The following CRACD variants were observed in gnomAD, a reference collection of about 807,000 sequenced individuals.
CRACD encodes capping protein inhibiting regulator of actin dynamics.
A neutral mutation model predicts 106.8 loss-of-function variants in CRACD; 56 were observed. The observed-to-expected ratio is 0.52, with a 90% CI of 0.42 to 0.66. The LOEUF is 0.66. CRACD is among the 30% of genes least tolerant of loss of function. The pLI is 0.00. For missense variants in CRACD, 1,730 were observed against 1,623.2 expected, an observed-to-expected ratio of 1.07 and a Z score of -1.13; for synonymous variants, 754 against 670.8, an observed-to-expected ratio of 1.12 and a Z score of -1.92.
At chr4:56,103,272 C>T (rs1733837653) in intron 1 of CRACD, among the ~76,000 whole-genome samples, 1 of 152,140 alleles carries the variant, frequency 6.6e-6, no homozygotes, top group South Asian at 2.1e-4. Context: ...ATTCATTGCT[C>T]AAAGACATGG....
In CRACD at chr4:56,316,415, C is replaced by A; in HGVS notation, c.2913C>A (p.Thr971=). The change falls in exon 8 of 11, where the codon ACC becomes ACA. Residue 971 remains threonine (T), a synonymous_variant. Transcript: ENST00000682029. ...PALAPKPTSQ[T]PPASPLSKLS... ...TGGCTCCCAAGCCCACCAGTCAGACCCCACCAGCATCCCCACTTTCCAAAC... is the reference window on the plus strand; with the variant it reads ...TGGCTCCCAAGCCCACCAGTCAGACACCACCAGCATCCCCACTTTCCAAAC... 2 of 1,614,138 alleles carry A rather than the reference C, an allele frequency of 1.2e-6. No homozygotes were observed. The highest frequency in any genetic ancestry group is 1.1e-5 in the South Asian group (1 of 91,082).
chr4:56,216,405 G>A (rs1272097335), intron 2 of CRACD: 1 of 152,050 alleles, frequency 6.6e-6, no homozygotes, highest in African/African-American at 2.4e-5. Flanking sequence ...TAATTTAATT[G>A]TAATTCATTC....
chr4:56,175,993 T>C (rs1427807136), intron 1 of CRACD, among the ~76,000 whole-genome samples: 1 of 152,226 alleles, frequency 6.6e-6, no homozygotes, highest in East Asian at 1.9e-4. Flanking sequence ...TTAGTCTGTA[T>C]ATGGATATCC....
intron 2 of CRACD, among the ~76,000 whole-genome samples, chr4:56,242,745 G>A (rs1344539548): frequency 6.6e-6 from 1 of 152,146 alleles, no homozygotes; most frequent in African/African-American, 2.4e-5. Flanking sequence ...AGGGAACTAA[G>A]CCTCCTCTGC....
At chr4:56,105,289 A>G (rs1011762755) in intron 1 of CRACD, among the ~76,000 whole-genome samples, 6 of 152,234 alleles carry the variant, frequency 3.9e-5, no homozygotes, top group African/African-American at 1.4e-4. Flanking sequence ...ACTTGAGGCC[A>G]GGAGTTTGGG....
intron 2 of CRACD, among the ~76,000 whole-genome samples, chr4:56,257,137 A>G (rs915461041): frequency 6.5e-5 from 9 of 139,124 alleles, no homozygotes; most frequent in Non-Finnish European, 1.2e-4. Flanking sequence ...TCTGGAGTGC[A>G]GTGGTGCGAT....
At chr4:56,227,396 T>TA (rs1739360430) in intron 2 of CRACD, among the ~76,000 whole-genome samples, 1 of 152,196 alleles carries the variant, frequency 6.6e-6, no homozygotes, top group Non-Finnish European at 1.5e-5. Context: ...CACTGATAGA[T>TA]ACACTAAGTT....
intron 1 of CRACD, among the ~76,000 whole-genome samples, chr4:56,124,217 C>T (rs1277929540): frequency 2.0e-5 from 3 of 152,264 alleles, no homozygotes; most frequent in Admixed American, 6.5e-5. Context: ...GGATTACAGG[C>T]GTGAGCCACT....
At chr4:56,246,324 G>A (rs35726129) in intron 2 of CRACD, among the ~76,000 whole-genome samples, 1 of 152,178 alleles carries the variant, frequency 6.6e-6, no homozygotes, top group African/African-American at 2.4e-5. Flanking sequence ...TGGGGCCTTA[G>A]GTGGAAGGTG....
chr4:56,202,257 T>C (rs1354713556), intron 2 of CRACD, among the ~76,000 whole-genome samples: 1 of 152,058 alleles, frequency 6.6e-6, no homozygotes, highest in Non-Finnish European at 1.5e-5. Flanking sequence ...AGTGACATCC[T>C]TTTTTTTAGA....
chr4:56,139,157 A>C (rs1374147304), intron 1 of CRACD, among the ~76,000 whole-genome samples: 2 of 152,160 alleles, frequency 1.3e-5, no homozygotes, highest in East Asian at 1.9e-4. Flanking sequence ...TAAGCAATAA[A>C]ATCTTTCTTC....
intron 2 of CRACD, among the ~76,000 whole-genome samples, chr4:56,247,616 C>T (rs1740757127): frequency 6.6e-6 from 1 of 152,210 alleles, no homozygotes; most frequent in East Asian, 1.9e-4. Context: ...GAGATTGAGG[C>T]AGGTGGATCA....
At chr4:56,086,890 T>C (rs1412354690) in intron 1 of CRACD, among the ~76,000 whole-genome samples, 1 of 152,192 alleles carries the variant, frequency 6.6e-6, no homozygotes, top group East Asian at 1.9e-4. Context: ...AAAGAAACTG[T>C]CACCGCTCCC....
chr4:56,123,744 AC>A (rs138202701), intron 1 of CRACD, among the ~76,000 whole-genome samples: 9,361 of 151,898 alleles, frequency 0.062, 382 homozygotes, highest in African/African-American at 0.11. Context: ...CCACAGTAGT[AC>A]CCCCCCTACA....
At chr4:56,308,222 C>T (rs185044190) in intron 5 of CRACD, among the ~76,000 whole-genome samples, 10 of 152,176 alleles carry the variant, frequency 6.6e-5, no homozygotes, top group Non-Finnish European at 8.8e-5. Flanking sequence ...AAAAGAAATG[C>T]GTAGGGGCTC....
At chr4:56,284,931 T>C (rs1018105541) in intron 3 of CRACD, among the ~76,000 whole-genome samples, 5 of 152,138 alleles carry the variant, frequency 3.3e-5, no homozygotes, top group Non-Finnish European at 5.9e-5. Flanking sequence ...TCTCAAAAGA[T>C]GGTGTATTAG....
At chr4:56,326,999 C>A (rs1746494739) in intron 10 of CRACD, among the ~76,000 whole-genome samples, 1 of 152,126 alleles carries the variant, frequency 6.6e-6, no homozygotes, top group African/African-American at 2.4e-5. Context: ...CTTGACCTCC[C>A]AAAGTGCTGA....
chr4:56,213,210 G>A (rs968647897), intron 2 of CRACD, among the ~76,000 whole-genome samples: 1 of 152,158 alleles, frequency 6.6e-6, no homozygotes, highest in Non-Finnish European at 1.5e-5. Flanking sequence ...ACTTTGGGAG[G>A]CCGAGGCAGG....
At position 56,052,401 on chromosome 4, in the gene CRACD, G is replaced by A. The variant is rs537829066; in HGVS notation, c.-336+3102G>A. On this transcript the variant is annotated intron_variant, in intron 1 of 10. Coordinates refer to ENST00000682029, the MANE Select transcript of CRACD (RefSeq NM_001393381.1). ...ATCCCATTAATGGGTCAGGAACTAC[G>A]CTTTGAAAAGCACTAATGCTAAGGA... Among the ~76,000 whole-genome samples the A allele has an allele frequency of 5.9e-5, 9 of 152,248 alleles. No homozygotes were observed. In the East Asian group the frequency reaches 1.3e-3, roughly 23 times the overall value.
Sources: gnomAD v4.1 joint callset for allele counts (sites outside exome capture counted in the v4.1 genomes callset) on GRCh38, gnomAD v4.1.1 for gene constraint, MANE v1.5 for transcripts, NCBI Gene and HGNC (gene_info 2026-07-23, HGNC 2026-07-21) for gene names.